MYT1L: variants seen among roughly 807,000 people sequenced by gnomAD.
The protein encoded by MYT1L is myelin transcription factor 1-like protein.
A neutral mutation model predicts 126.7 loss-of-function variants in MYT1L; 12 were observed. The ratio of observed to expected loss-of-function variants is 0.09; its 90% CI spans 0.06 to 0.15. The LOEUF is 0.15. Ranked by LOEUF, MYT1L falls within the 10% of genes least tolerant of loss-of-function variation. The pLI is 1.00. For missense variants in MYT1L, 979 were observed against 1,585.2 expected, an observed-to-expected ratio of 0.62 and a Z score of 6.49; for synonymous variants, 541 against 604.2, an observed-to-expected ratio of 0.90 and a Z score of 1.53.
intron 2 of MYT1L, among the ~76,000 whole-genome samples, chr2:2,211,731 G>C (rs2093516579): frequency 6.8e-6 from 1 of 147,374 alleles, no homozygotes; most frequent in Non-Finnish European, 1.5e-5. Context: ...CTTGAACCCA[G>C]AAGGCAGAGG....
intron 2 of MYT1L, among the ~76,000 whole-genome samples, chr2:2,281,405 C>T (rs950329565): frequency 7.2e-5 from 11 of 152,156 alleles, no homozygotes; most frequent in Non-Finnish European, 1.5e-4. Context: ...TAGTGTGGGG[C>T]AAATGACTTT....
intron 21 of MYT1L, among the ~76,000 whole-genome samples, chr2:1,812,393 T>G (rs2036803897): frequency 1.3e-5 from 2 of 152,204 alleles, no homozygotes; most frequent in African/African-American, 4.8e-5. Flanking sequence ...TGTATCCCCA[T>G]GATGGGAGAG....
chr2:2,233,680 C>T (rs1172670348), intron 2 of MYT1L, among the ~76,000 whole-genome samples: 5 of 152,170 alleles, frequency 3.3e-5, no homozygotes, highest in Non-Finnish European at 7.3e-5. Context: ...CCAGCCATAT[C>T]GGCACCATTG....
chr2:2,186,828 T>C (rs1021608616), intron 2 of MYT1L, among the ~76,000 whole-genome samples: 1 of 152,198 alleles, frequency 6.6e-6, no homozygotes. Flanking sequence ...AACATGAGTG[T>C]CTGTAGCAAG....
At chr2:1,825,458 T>C (rs1435388210) in intron 21 of MYT1L, 1 of 152,248 alleles carries the variant, frequency 6.6e-6, no homozygotes, top group African/African-American at 2.4e-5. Context: ...AAAACCTACT[T>C]ACTCTTCCCT....
chr2:2,287,201 G>A lies in MYT1L; in HGVS notation c.-520-2698C>T, dbSNP rs566703852. On this transcript the variant is annotated intron_variant, in intron 1 of 24. Coordinates refer to ENST00000647738, the MANE Select transcript of MYT1L (RefSeq NM_001303052.2). Reference sequence around the variant, plus strand: ...AACCTGGGAGGCAGAGGTTGCGTGAGCAGAGGTCGTGCCTTTGCACTCCAA... The same window carrying A: ...AACCTGGGAGGCAGAGGTTGCGTGAACAGAGGTCGTGCCTTTGCACTCCAA... Among the ~76,000 whole-genome samples, 5 of 152,262 alleles carry A rather than the reference G, an allele frequency of 3.3e-5. No individual in the cohort carries two copies. The East Asian group carries it at 9.7e-4, about 29-fold the overall frequency.
At chr2:1,818,728 C>T (rs1335742957) in intron 21 of MYT1L, among the ~76,000 whole-genome samples, 1 of 152,174 alleles carries the variant, frequency 6.6e-6, no homozygotes, top group East Asian at 1.9e-4. Context: ...AGCCACGTGA[C>T]ATTTCTGCCT....
intron 3 of MYT1L, among the ~76,000 whole-genome samples, chr2:2,165,110 C>T (rs2088814654): frequency 6.6e-6 from 1 of 152,180 alleles, no homozygotes; most frequent in Non-Finnish European, 1.5e-5. Context: ...AGAAGTGGAG[C>T]TCACGGGCCT....
intron 1 of MYT1L, among the ~76,000 whole-genome samples, chr2:2,306,916 A>C: frequency 6.6e-6 from 1 of 152,244 alleles, no homozygotes; most frequent in South Asian, 2.1e-4. Context: ...TAAGGATCAT[A>C]AAAATACACC....
At chr2:2,234,965 C>T (rs2094251699) in intron 2 of MYT1L, among the ~76,000 whole-genome samples, 1 of 152,204 alleles carries the variant, frequency 6.6e-6, no homozygotes, top group South Asian at 2.1e-4. Flanking sequence ...CTTTCCCTCT[C>T]TGCTGGCTCC....
chr2:2,105,612 T>A (rs1408907537), intron 3 of MYT1L, among the ~76,000 whole-genome samples: 1 of 152,228 alleles, frequency 6.6e-6, no homozygotes, highest in African/African-American at 2.4e-5. Context: ...TACTAGTGAC[T>A]GGAGACAATG....
chr2:2,295,619 G>C (rs191440354), intron 1 of MYT1L, among the ~76,000 whole-genome samples: 1 of 63,542 alleles, frequency 1.6e-5, no homozygotes, highest in South Asian at 5.9e-4. Flanking sequence ...CAGAGAGAGA[G>C]AGAGAGACAG....
chr2:1,890,362 T>G (rs2048704045), intron 15 of MYT1L, among the ~76,000 whole-genome samples: 1 of 152,170 alleles, frequency 6.6e-6, no homozygotes, highest in Non-Finnish European at 1.5e-5. Context: ...TGTGAGCCAC[T>G]GCGCCTGGCT....
intron 5 of MYT1L, among the ~76,000 whole-genome samples, chr2:1,987,246 G>C (rs1312500629): frequency 6.6e-6 from 1 of 151,862 alleles, no homozygotes; most frequent in Non-Finnish European, 1.5e-5. Context: ...TCGGGTTCTT[G>C]GTGCTTAACA....
At chr2:1,983,829 C>T (rs991661519) in intron 5 of MYT1L, among the ~76,000 whole-genome samples, 6 of 152,218 alleles carry the variant, frequency 3.9e-5, no homozygotes, top group East Asian at 3.9e-4. Context: ...TTCCTTGGAA[C>T]TGGAGAAAGT....
intron 2 of MYT1L, among the ~76,000 whole-genome samples, chr2:2,231,125 T>C (rs1311099534): frequency 6.6e-6 from 1 of 152,218 alleles, no homozygotes; most frequent in African/African-American, 2.4e-5. Flanking sequence ...AAACACAGCT[T>C]TCATTTCCTG....
chr2:1,837,739 C>T (rs888745871), intron 21 of MYT1L, among the ~76,000 whole-genome samples: 10 of 152,180 alleles, frequency 6.6e-5, no homozygotes, highest in African/African-American at 1.9e-4. Flanking sequence ...TCCTGGTGAG[C>T]AGCTGAGGCC....
chr2:2,032,797 A>C lies in MYT1L; in HGVS notation c.-158+21181T>G, dbSNP rs558827138. ...GAGCAGATTCTAGAAGGAGGGCCTT[A>C]CACACACCCTCGCCAGTGCCTCTCA... On this transcript the variant is annotated intron_variant, in intron 4 of 24. Coordinates refer to ENST00000647738, the MANE Select transcript of MYT1L (RefSeq NM_001303052.2). 8.8e-5 allele frequency among the ~76,000 whole-genome samples: 9 copies of C among 102,212 alleles called. No individual in the cohort carries two copies. The South Asian group carries it at 3.4e-3, about 38-fold the overall frequency. 67.1% of individuals were successfully genotyped at this position (102,212 alleles called of 152,430 possible). A position where few individuals can be genotyped will look rare whatever the true frequency, so the allele number is the denominator to read the frequency against.
At chr2:2,271,475 G>A (rs1196951872) in intron 2 of MYT1L, among the ~76,000 whole-genome samples, 1 of 152,186 alleles carries the variant, frequency 6.6e-6, no homozygotes, top group African/African-American at 2.4e-5. Flanking sequence ...GTCTTTAAAT[G>A]CAGATCTGTC....
Sources: gnomAD v4.1 joint callset for allele counts (sites outside exome capture counted in the v4.1 genomes callset) on GRCh38, gnomAD v4.1.1 for gene constraint, MANE v1.5 for transcripts, NCBI Gene and HGNC (gene_info 2026-07-23, HGNC 2026-07-21) for gene names.